Variants in NRXN3 observed in about 807,000 individuals in gnomAD.
NRXN3 encodes neurexin III.
A neutral mutation model predicts 137.6 loss-of-function variants in NRXN3; 32 were observed. The observed-to-expected ratio is 0.23, with a 90% CI of 0.18 to 0.31. The LOEUF is 0.31. NRXN3 is among the 10% of genes least tolerant of loss of function. The probability of loss-of-function intolerance (pLI) is 1.00; values close to 1 mark genes in which losing one functional copy is unlikely to be tolerated. For missense variants in NRXN3, 1,574 were observed against 2,062.5 expected (o/e 0.76, Z 4.59); for synonymous variants, 798 against 784.5 (o/e 1.02, Z -0.29).
At chr14:79,362,944 T>A (rs2093737966) in intron 15 of NRXN3, among the ~76,000 whole-genome samples, 3 of 152,166 alleles carry the variant, frequency 2.0e-5, no homozygotes, top group Admixed American at 6.5e-5. Flanking sequence ...ATAGAGAGTA[T>A]TTGCAGATGC....
chr14:79,534,280 A>G (rs1244925922), intron 16 of NRXN3, among the ~76,000 whole-genome samples: 1 of 152,140 alleles, frequency 6.6e-6, no homozygotes, highest in Non-Finnish European at 1.5e-5. Context: ...GGGACATGAT[A>G]TGGTACAAAA....
At chr14:79,614,362 T>C (rs985202763) in intron 16 of NRXN3, among the ~76,000 whole-genome samples, 1 of 146,928 alleles carries the variant, frequency 6.8e-6, no homozygotes, top group African/African-American at 2.7e-5. Context: ...AGAGAGGACA[T>C]GGCCAAAGAT....
At chr14:78,751,714 G>T (rs549733801) in intron 8 of NRXN3, among the ~76,000 whole-genome samples, 2 of 152,240 alleles carry the variant, frequency 1.3e-5, no homozygotes, top group East Asian at 3.9e-4. Flanking sequence ...GGGACGGAAG[G>T]GGGAAGGAGT....
intron 1 of NRXN3, among the ~76,000 whole-genome samples, chr14:78,236,698 G>A (rs542979264): frequency 2.7e-5 from 4 of 150,630 alleles, no homozygotes; most frequent in Admixed American, 2.6e-4. Context: ...ATTTCATGAA[G>A]TTCAAAACTG....
intron 15 of NRXN3, among the ~76,000 whole-genome samples, chr14:79,092,507 GC>G (rs1445197957): frequency 6.6e-6 from 1 of 151,990 alleles, no homozygotes; most frequent in Non-Finnish European, 1.5e-5. Flanking sequence ...ACACACCCTT[GC>G]CCTAAAAGTT....
intron 15 of NRXN3, among the ~76,000 whole-genome samples, chr14:79,367,944 C>T (rs886925511): frequency 2.3e-4 from 35 of 152,040 alleles, no homozygotes; most frequent in African/African-American, 8.2e-4. Flanking sequence ...GCTTCTGAAA[C>T]GTCTATTGGA....
intron 15 of NRXN3, among the ~76,000 whole-genome samples, chr14:79,264,755 C>G (rs1429910464): frequency 3.9e-5 from 6 of 152,144 alleles, no homozygotes; most frequent in Non-Finnish European, 7.3e-5. Context: ...CTGATAAACA[C>G]ATTGCAGAGA....
At chr14:79,233,666 C>CTGTGTGTGTGTG (rs143246182) in intron 15 of NRXN3, among the ~76,000 whole-genome samples, 2,246 of 145,042 alleles carry the variant, frequency 0.015, 61 homozygotes, top group African/African-American at 0.054. Flanking sequence ...AGTATAACTG[C>CTGTGTGTGTGTG]TGTGTGTGTG....
chr14:78,430,944 A>G (rs751345814), intron 4 of NRXN3, among the ~76,000 whole-genome samples: 4 of 152,148 alleles, frequency 2.6e-5, no homozygotes, highest in Admixed American at 2.0e-4. Context: ...TGGGAATTGC[A>G]GGTCCAATGC....
rs187824822 is a variant in NRXN3, at chr14:78,243,499, C to T, written c.406C>T (p.Pro136Ser). Residue 136 changes from proline (P) to serine (S), a missense_variant, in exon 2 of 21, where the codon CCC (proline) becomes TCC (serine). By Grantham distance (74) the Pro-to-Ser change is moderately conservative. Transcript: ENST00000335750. This position sits in a 1 kb window ranked among gnomAD's most constrained non-coding sequence, Gnocchi z 4.2. ...DGEGQSGELQ[P>S]QRPYMDVVSD... is the part of the protein sequence containing the mutation. The stretch of plus-strand genomic sequence containing the variant: ...CGAGGGCCAGTCTGGGGAGCTGCAG[C>T]CCCAGCGGCCCTACATGGATGTGGT... The T allele has an allele frequency of 1.9e-6, 3 of 1,592,346 alleles. No homozygotes were observed. The East Asian group carries it at 6.7e-5, about 36-fold the overall frequency.
At chr14:79,446,296 T>G (rs2096062810) in intron 15 of NRXN3, among the ~76,000 whole-genome samples, 1 of 152,196 alleles carries the variant, frequency 6.6e-6, no homozygotes, top group Non-Finnish European at 1.5e-5. Context: ...TTTGCTTGTT[T>G]CCATTTCTGT....
chr14:79,649,911 G>A (rs896808706), intron 16 of NRXN3, among the ~76,000 whole-genome samples: 3 of 152,168 alleles, frequency 2.0e-5, no homozygotes, highest in Non-Finnish European at 2.9e-5. Flanking sequence ...CTGGAGACTA[G>A]GAAGTCCAAG....
At chr14:78,562,369 C>T (rs1042903789) in intron 4 of NRXN3, among the ~76,000 whole-genome samples, 1 of 143,500 alleles carries the variant, frequency 7.0e-6, no homozygotes, top group African/African-American at 2.7e-5. Flanking sequence ...TGCACTCCAG[C>T]CTGGTGACAG....
At chr14:79,253,741 G>T (rs2076229731) in intron 15 of NRXN3, among the ~76,000 whole-genome samples, 1 of 152,200 alleles carries the variant, frequency 6.6e-6, no homozygotes, top group Admixed American at 6.5e-5. Flanking sequence ...ATCAGCTCTT[G>T]TGATGAACTC....
rs767956975 is a variant in NRXN3, at chr14:79,663,849, T to A, written c.3516T>A (p.Pro1172=). ...VDISIKEERT[P]VNDGKYHVVR... is the part of the protein sequence containing the mutation. Reference sequence around the variant, plus strand: ...TCTCCATCAAAGAGGAGAGAACCCCTGTAAATGACGGCAAATACCATGTGG... The same window carrying A: ...TCTCCATCAAAGAGGAGAGAACCCCAGTAAATGACGGCAAATACCATGTGG... The change falls in exon 17 of 21, where the codon CCT becomes CCA. Residue 1172 remains proline (P), a synonymous_variant. Transcript: ENST00000335750. 9.9e-6 allele frequency: 16 copies of A among 1,613,404 alleles called. No homozygotes were observed. The East Asian group carries it at 2.9e-4, about 29-fold the overall frequency.
chr14:79,851,835 C>T (rs917252737), intron 20 of NRXN3, among the ~76,000 whole-genome samples: 2 of 152,088 alleles, frequency 1.3e-5, no homozygotes, highest in African/African-American at 4.8e-5. Context: ...CATAGTTTTC[C>T]CCAACGTACT....
intron 1 of NRXN3, among the ~76,000 whole-genome samples, chr14:78,191,753 C>A (rs2060754102): frequency 6.6e-6 from 1 of 152,114 alleles, no homozygotes; most frequent in Non-Finnish European, 1.5e-5. Context: ...GATGGGGGAA[C>A]CAAGCAGACC....
intron 16 of NRXN3, among the ~76,000 whole-genome samples, chr14:79,574,202 C>T (rs2097642902): frequency 1.3e-5 from 2 of 151,104 alleles, no homozygotes; most frequent in African/African-American, 2.4e-5. Flanking sequence ...ATTTCTTCCT[C>T]CAAATATGCG....
intron 10 of NRXN3, among the ~76,000 whole-genome samples, chr14:78,955,286 T>C (rs1317778032): frequency 6.6e-6 from 1 of 152,200 alleles, no homozygotes; most frequent in Admixed American, 6.5e-5. Context: ...ATCCACATGA[T>C]GTGGTCCATT....
Sources: allele counts gnomAD v4.1 joint callset (sites outside exome capture counted in the v4.1 genomes callset), GRCh38; gene constraint gnomAD v4.1.1; non-coding constraint Gnocchi (gnomAD v3.1); transcripts MANE v1.5; gene names NCBI Gene and HGNC (gene_info 2026-07-23, HGNC 2026-07-21).